The following TCEA3 variants were observed in gnomAD, a reference collection of about 807,000 sequenced individuals.
TCEA3 encodes transcription elongation factor A3, also known as transcription elongation factor A protein 3.
TCEA3 carries 36 observed loss-of-function variants against 44.0 expected under a neutral mutation model. The observed-to-expected ratio is 0.82, with a 90% confidence interval of 0.63 to 1.08. TCEA3 has a LOEUF of 1.08. Among genes scored for constraint, TCEA3 ranks in the 50% least tolerant of loss-of-function variants. The probability of loss-of-function intolerance (pLI) is 0.00; values close to 1 mark genes in which losing one functional copy is unlikely to be tolerated. For missense variants in TCEA3, 392 were observed against 441.2 expected, an observed-to-expected ratio of 0.89 and a Z score of 1.00; for synonymous variants, 162 against 159.7, an observed-to-expected ratio of 1.01 and a Z score of -0.11.
chr1:23,383,526 T>C, intron 10 of TCEA3: 7 of 939,162 alleles, frequency 7.5e-6, no homozygotes, highest in Non-Finnish European at 8.9e-6. Flanking sequence ...TTATTATTAC[T>C]CTTTTGCTCA....
At chr1:23,395,827 CAAAAAAA>C (rs576778891) in intron 7 of TCEA3, among the ~76,000 whole-genome samples, 3 of 90,846 alleles carry the variant, frequency 3.3e-5, no homozygotes, top group East Asian at 2.9e-4. Context: ...GATTCCATCT[CAAAAAAA>C]AAAAAAAAAA....
At chr1:23,397,698 T>C in intron 6 of TCEA3, 94 bp downstream of exon 6, 1 of 1,607,012 alleles carries the variant, frequency 6.2e-7, no homozygotes. Flanking sequence ...TACCATCCCT[T>C]GGGGTGCTGA....
At chr1:23,387,852 C>T (rs1198446) in intron 8 of TCEA3, among the ~76,000 whole-genome samples, 127,541 of 152,078 alleles carry the variant, frequency 0.84, 54,542 homozygotes, top group Non-Finnish European at 0.91. Flanking sequence ...GATCACTGCC[C>T]TGCTGTTCTG....
intron 7 of TCEA3, 52 bp from the exon 8 acceptor site, chr1:23,394,085 C>CA: frequency 2.5e-6 from 4 of 1,599,706 alleles, no homozygotes; most frequent in Non-Finnish European, 3.4e-6. Context: ...CAGAAGGGTG[C>CA]AGGCCTGGCC....
At chr1:23,392,001 A>G (rs1197365776) in intron 8 of TCEA3, among the ~76,000 whole-genome samples, 1 of 152,194 alleles carries the variant, frequency 6.6e-6, no homozygotes, top group Non-Finnish European at 1.5e-5. Context: ...GATGTTCGTT[A>G]TAGCAGTCTG....
In TCEA3 at chr1:23,417,944, G is replaced by A; in HGVS notation, c.198C>T (p.Ser66=). The change falls in exon 3 of 11, where the codon TCC becomes TCT. Residue 66 remains serine, a synonymous_variant. Transcript: ENST00000450454. ...RKHCSDKEVV[S]LAKVLIKNWK... ...AGTTTTTGATAAGGACTTTGGCCAA[G>A]GACACCACCTCCTTGTCTGAGCAGT... The A allele has an allele frequency of 1.2e-6, 2 of 1,614,076 alleles. No homozygotes were observed. Among genetic ancestry groups the A allele is most frequent in the Non-Finnish European group, 1.7e-6 (2 of 1,179,908 alleles).
chr1:23,399,136 G>GTATATATATATATATA (rs1191975371), intron 5 of TCEA3, among the ~76,000 whole-genome samples: 1 of 58,662 alleles, frequency 1.7e-5, no homozygotes, highest in Admixed American at 2.4e-4. Flanking sequence ...TTATATATAT[G>GTATATATATATATATA]TATATATGTA....
chr1:23,395,103 G>A (rs12130159), intron 7 of TCEA3, among the ~76,000 whole-genome samples: 6,124 of 152,330 alleles, frequency 0.04, 340 homozygotes, highest in South Asian at 0.24. Context: ...TGGGAGGGGA[G>A]GTGGTATTCT....
intron 8 of TCEA3, among the ~76,000 whole-genome samples, chr1:23,388,960 G>C (rs1638937034): frequency 6.6e-6 from 1 of 152,190 alleles, no homozygotes; most frequent in Non-Finnish European, 1.5e-5. Context: ...CGGGATTACA[G>C]GCATGAGCCA....
chr1:23,391,691 G>A (rs1455984447), intron 8 of TCEA3, among the ~76,000 whole-genome samples: 1 of 152,152 alleles, frequency 6.6e-6, no homozygotes, highest in Admixed American at 6.5e-5. Flanking sequence ...GGGAGGCTGA[G>A]GCAGGTGGAT....
intron 8 of TCEA3, among the ~76,000 whole-genome samples, chr1:23,392,887 G>A (rs1214548199): frequency 2.0e-5 from 3 of 152,164 alleles, no homozygotes; most frequent in African/African-American, 4.8e-5. Flanking sequence ...TGGACAGGGT[G>A]GGGGATGGTT....
chr1:23,383,929 G>A, intron 10 of TCEA3: 1 of 1,024,280 alleles, frequency 9.8e-7, no homozygotes, highest in Non-Finnish European at 1.2e-6. Flanking sequence ...TTCTGACAGG[G>A]CTCAGCCTTC....
chr1:23,401,433 G>A (rs1639391139), intron 5 of TCEA3, among the ~76,000 whole-genome samples: 1 of 152,130 alleles, frequency 6.6e-6, no homozygotes, highest in African/African-American at 2.4e-5. Flanking sequence ...TGACAACTGG[G>A]TTGCCTGGCA....
At chr1:23,390,681 C>T (rs947394393) in intron 8 of TCEA3, among the ~76,000 whole-genome samples, 1 of 152,146 alleles carries the variant, frequency 6.6e-6, no homozygotes, top group Non-Finnish European at 1.5e-5. Flanking sequence ...AATTCATTGA[C>T]TTCTCTGCCC....
intron 5 of TCEA3, among the ~76,000 whole-genome samples, chr1:23,402,322 C>T (rs1043860363): frequency 2.0e-5 from 3 of 152,096 alleles, no homozygotes; most frequent in Non-Finnish European, 4.4e-5. Context: ...CCTGAGTGAC[C>T]GAGTGAGACT....
intron 8 of TCEA3, 61 bp downstream of exon 8, chr1:23,393,818 C>T (rs1046614480): frequency 9.5e-6 from 15 of 1,575,372 alleles, no homozygotes; most frequent in Non-Finnish European, 1.2e-5. Context: ...TGACCCTCTG[C>T]ACTAGGCAGG....
At chr1:23,398,234 C>A (rs945762618) in intron 5 of TCEA3, among the ~76,000 whole-genome samples, 1 of 152,128 alleles carries the variant, frequency 6.6e-6, no homozygotes, top group South Asian at 2.1e-4. Context: ...AACACATCGA[C>A]GAACCAGTAG....
chr1:23,383,321 C>G, intron 10 of TCEA3: 1 of 650,498 alleles, frequency 1.5e-6, no homozygotes, highest in Non-Finnish European at 1.9e-6. Flanking sequence ...ATCAGGAAGT[C>G]GGAGCATCGG....
chr1:23,384,298 C>T (rs750448726), intron 10 of TCEA3, 48 bp downstream of exon 10: 21 of 1,613,282 alleles, frequency 1.3e-5, no homozygotes, highest in South Asian at 3.3e-5. Context: ...CTTATGCGGG[C>T]GAGGTATGTG....
Sources: gnomAD v4.1 joint callset for allele counts (sites outside exome capture counted in the v4.1 genomes callset) on GRCh38, gnomAD v4.1.1 for gene constraint, MANE v1.5 for transcripts, NCBI Gene and HGNC (gene_info 2026-07-23, HGNC 2026-07-21) for gene names.